Variants in ANO2 observed in about 807,000 individuals in gnomAD.
ANO2 encodes the protein anoctamin-2.
ANO2 carries 101 observed loss-of-function variants against 124.2 expected under a neutral mutation model. That is an observed-to-expected ratio of 0.81 (90% confidence interval 0.69 to 0.96). The LOEUF (loss-of-function observed/expected upper bound fraction) is 0.96, where lower values mean the gene tolerates loss of function less well. Among genes scored for constraint, ANO2 ranks in the 40% least tolerant of loss-of-function variants. The probability of loss-of-function intolerance (pLI) is 0.00; values close to 1 mark genes in which losing one functional copy is unlikely to be tolerated. For missense variants in ANO2, 1,293 were observed against 1,274.5 expected (o/e 1.01, Z -0.22); for synonymous variants, 486 against 482.5 (o/e 1.01, Z -0.09).
intron 20 of ANO2, among the ~76,000 whole-genome samples, chr12:5,585,582 T>G (rs181325792): frequency 6.6e-6 from 1 of 152,228 alleles, no homozygotes; most frequent in African/African-American, 2.4e-5. Context: ...GAGGACAGAC[T>G]GGTGAACTTC....
intron 3 of ANO2, among the ~76,000 whole-genome samples, chr12:5,916,955 G>A (rs148660022): frequency 1.3e-5 from 2 of 152,314 alleles, no homozygotes; most frequent in African/African-American, 4.8e-5. Flanking sequence ...AGACAACGCT[G>A]CAAGACAGTA....
chr12:5,864,564 C>T lies in ANO2; in HGVS notation c.535-10423G>A, dbSNP rs115516098. ...TGCTAACTCTCAGCAATGGGTGTGCCTCTCCCTCACCCCCACCAGGACACG... is the reference window on the plus strand; with the variant it reads ...TGCTAACTCTCAGCAATGGGTGTGCTTCTCCCTCACCCCCACCAGGACACG... On this transcript the variant is annotated intron_variant, in intron 3 of 24. Transcript: ENST00000682330. 5.3e-3 allele frequency among the ~76,000 whole-genome samples: 803 copies of T among 152,304 alleles called. 7 individuals are homozygous for T. The highest frequency in any genetic ancestry group is 0.019 in the African/African-American group (772 of 41,572).
intron 7 of ANO2, among the ~76,000 whole-genome samples, chr12:5,818,446 ATT>A (rs1953676977): frequency 1.3e-5 from 1 of 79,362 alleles, no homozygotes; most frequent in Non-Finnish European, 2.4e-5. Context: ...ATAAACTCAT[ATT>A]ATATATATAT....
At position 5,563,239 on chromosome 12, in the gene ANO2, T is replaced by G; in HGVS notation, c.*60A>C. The G allele has an allele frequency of 1.3e-6, 2 of 1,532,644 alleles. No individual in the cohort carries two copies. The allele number at this position is 1,532,644 out of a possible 1,614,324, so 94.9% of individuals were successfully genotyped here. A position where few individuals can be genotyped will look rare whatever the true frequency, so the allele number is the denominator to read the frequency against. Reference sequence around the variant, plus strand: ...AGCACGCCATGTGGGTGTAGGAACATGCTTACGTGCATGTGCGTGTCTCTG... The same window carrying G: ...AGCACGCCATGTGGGTGTAGGAACAGGCTTACGTGCATGTGCGTGTCTCTG... On this transcript the variant is annotated 3_prime_UTR_variant, in exon 25 of 25. Transcript: ENST00000682330.
chr12:5,800,235 C>A (rs1952998367), intron 9 of ANO2, among the ~76,000 whole-genome samples: 1 of 152,216 alleles, frequency 6.6e-6, no homozygotes, highest in South Asian at 2.1e-4. Context: ...AACAGGGAAC[C>A]AGTGTGGCTG....
intron 3 of ANO2, among the ~76,000 whole-genome samples, chr12:5,881,992 G>A (rs1278609865): frequency 1.3e-5 from 2 of 152,234 alleles, no homozygotes; most frequent in Non-Finnish European, 2.9e-5. Flanking sequence ...TTAGAGATGA[G>A]TGGGTGGGTG....
At chr12:5,921,794 G>A (rs553662853) in intron 2 of ANO2, among the ~76,000 whole-genome samples, 86 of 152,202 alleles carry the variant, frequency 5.7e-4, no homozygotes, top group Non-Finnish European at 1.0e-3. Context: ...GCACCATACA[G>A]GTGAAGGGGC....
chr12:5,933,906 G>A (rs888580346), intron 1 of ANO2, among the ~76,000 whole-genome samples: 20 of 152,126 alleles, frequency 1.3e-4, no homozygotes, highest in African/African-American at 4.3e-4. Flanking sequence ...GTTCAGATTT[G>A]CCTTTTTTAT....
At chr12:5,805,396 T>C (rs919490499) in intron 9 of ANO2, among the ~76,000 whole-genome samples, 1 of 152,094 alleles carries the variant, frequency 6.6e-6, no homozygotes, top group Non-Finnish European at 1.5e-5. Flanking sequence ...AAGGGGATCA[T>C]CGGTGCATCC....
chr12:5,595,517 C>A (rs185104749), intron 20 of ANO2, among the ~76,000 whole-genome samples: 101 of 152,272 alleles, frequency 6.6e-4, no homozygotes, highest in African/African-American at 2.4e-3. Context: ...GCCACTGCAC[C>A]TGGCCTGGAG....
At chr12:5,831,228 C>A (rs966799919) in intron 5 of ANO2, among the ~76,000 whole-genome samples, 1 of 152,210 alleles carries the variant, frequency 6.6e-6, no homozygotes, top group Non-Finnish European at 1.5e-5. Flanking sequence ...AAGTAACTGA[C>A]ACAGAGTAGA....
chr12:5,725,610 G>A (rs993430002), intron 14 of ANO2, among the ~76,000 whole-genome samples: 1 of 152,072 alleles, frequency 6.6e-6, no homozygotes, highest in South Asian at 2.1e-4. Context: ...GGAAATCCAG[G>A]GTATTTCTCC....
At chr12:5,670,407 G>T (rs1382915595) in intron 14 of ANO2, among the ~76,000 whole-genome samples, 6 of 152,244 alleles carry the variant, frequency 3.9e-5, no homozygotes, top group African/African-American at 1.4e-4. Flanking sequence ...GGGGCTGGGA[G>T]TGGGAATAGA....
intron 14 of ANO2, among the ~76,000 whole-genome samples, chr12:5,706,114 C>G (rs930340630): frequency 6.6e-6 from 1 of 152,152 alleles, no homozygotes; most frequent in Non-Finnish European, 1.5e-5. Flanking sequence ...GTTATATGAC[C>G]GTGGCAATAT....
At chr12:5,770,094 T>C (rs1411577562) in intron 10 of ANO2, among the ~76,000 whole-genome samples, 2 of 152,142 alleles carry the variant, frequency 1.3e-5, no homozygotes, top group African/African-American at 2.4e-5. Flanking sequence ...CAAACTCTAA[T>C]CTGTTGAGGG....
chr12:5,713,118 C>T (rs779412565), intron 14 of ANO2, among the ~76,000 whole-genome samples: 2 of 152,142 alleles, frequency 1.3e-5, no homozygotes, highest in Non-Finnish European at 2.9e-5. Context: ...TAGAGGGTCA[C>T]TGAAGTAGGC....
chr12:5,810,384 G>A lies in ANO2; in HGVS notation c.893-3016C>T, dbSNP rs772615970. On this transcript the variant is annotated intron_variant, in intron 7 of 24. Transcript: ENST00000682330. ...TAAAACAAGAAGAAAATAATCAAAC[G>A]TTTTTAAAAAAGAGTCCCTGCTTTG... 6.6e-4 allele frequency among the ~76,000 whole-genome samples: 100 copies of A among 152,152 alleles called. 1 individual carries two copies. Among genetic ancestry groups the A allele is most frequent in the Non-Finnish European group, 9.6e-4 (65 of 67,984 alleles).
At chr12:5,840,960 G>A (rs1353107971) in intron 4 of ANO2, among the ~76,000 whole-genome samples, 1 of 152,104 alleles carries the variant, frequency 6.6e-6, no homozygotes. Context: ...CAGAGAAGCC[G>A]AACAATAGGA....
intron 14 of ANO2, among the ~76,000 whole-genome samples, chr12:5,654,139 G>C (rs569408367): frequency 1.3e-5 from 2 of 152,158 alleles, no homozygotes; most frequent in African/African-American, 2.4e-5. Flanking sequence ...CTGATAGTAG[G>C]CTGGCAGGGG....
Sources: allele counts gnomAD v4.1 joint callset (sites outside exome capture counted in the v4.1 genomes callset), GRCh38; gene constraint gnomAD v4.1.1; transcripts MANE v1.5; gene names NCBI Gene and HGNC (gene_info 2026-07-23, HGNC 2026-07-21).